FAM89A: variants seen among roughly 807,000 people sequenced by gnomAD.
The protein encoded by FAM89A is protein FAM89A.
FAM89A carries 10 observed loss-of-function variants against 7.1 expected under a neutral mutation model. The observed-to-expected ratio is 1.40, with a 90% CI of 0.86 to 2.38. The LOEUF is 2.38. Among genes scored for constraint, FAM89A ranks in the 30% most tolerant of loss-of-function variants. The pLI is 0.00. For synonymous variants in FAM89A, 157 were observed against 129.3 expected (o/e 1.21, Z -1.45); for missense variants, 276 against 262.8 (o/e 1.05, Z -0.35).
chr1:231,021,261 A>G (rs763670239), intron 1 of FAM89A, among the ~76,000 whole-genome samples: 1 of 152,244 alleles, frequency 6.6e-6, no homozygotes, highest in Non-Finnish European at 1.5e-5. Flanking sequence ...GTTGATGGCA[A>G]AATGGAACAA....
At chr1:231,031,222 G>A (rs548472481) in intron 1 of FAM89A, among the ~76,000 whole-genome samples, 2 of 152,208 alleles carry the variant, frequency 1.3e-5, no homozygotes, top group African/African-American at 2.4e-5. Flanking sequence ...CCTTTGTGAC[G>A]TGCTGTTTTG....
chr1:231,031,107 C>T (rs1680061055), intron 1 of FAM89A, among the ~76,000 whole-genome samples: 1 of 115,030 alleles, frequency 8.7e-6, no homozygotes, highest in African/African-American at 2.9e-5. Context: ...GAGACTCTGT[C>T]TCAATAATAA....
chr1:231,034,767 TGTCTC>T (rs1680131900), intron 1 of FAM89A, among the ~76,000 whole-genome samples: 1 of 86,656 alleles, frequency 1.2e-5, no homozygotes, highest in Admixed American at 1.6e-4. Context: ...ATAGAAACTC[TGTCTC>T]AAAAAAAAAA....
intron 1 of FAM89A, among the ~76,000 whole-genome samples, chr1:231,031,441 A>T (rs1044740105): frequency 2.6e-5 from 4 of 152,228 alleles, no homozygotes; most frequent in Non-Finnish European, 5.9e-5. Flanking sequence ...CTTTGAATGG[A>T]TCTTTTAATA....
chr1:231,023,059 C>T (rs1011563171), intron 1 of FAM89A, among the ~76,000 whole-genome samples: 10 of 152,186 alleles, frequency 6.6e-5, no homozygotes, highest in African/African-American at 1.7e-4. Flanking sequence ...GTCCTCAGTT[C>T]CCACTGCCTA....
In FAM89A at chr1:231,040,214, C is replaced by A. The variant is rs1037676653; in HGVS notation, c.-3G>T. On this transcript the variant is annotated 5_prime_UTR_variant, in exon 1 of 2. Transcript: ENST00000366654. ...GGCGCCGCCCGGGCCCCACTCATCGCGCCGCGGCCCGGCCACGCGCCTGCC... is the reference window on the plus strand; with the variant it reads ...GGCGCCGCCCGGGCCCCACTCATCGAGCCGCGGCCCGGCCACGCGCCTGCC... 222 of 1,056,258 alleles carry A rather than the reference C, an allele frequency of 2.1e-4. No individual in the cohort carries two copies. Among genetic ancestry groups the A allele is most frequent in the Non-Finnish European group, 2.4e-4 (208 of 878,450 alleles). The allele number at this position is 1,056,258 out of a possible 1,614,324, so 65.4% of individuals were successfully genotyped here.
At chr1:231,028,260 G>A (rs1053866100) in intron 1 of FAM89A, among the ~76,000 whole-genome samples, 2 of 152,102 alleles carry the variant, frequency 1.3e-5, no homozygotes, top group South Asian at 4.1e-4. Flanking sequence ...CTGAGTCCCC[G>A]CGTGCCTCCC....
chr1:231,032,524 G>A (rs1173534936), intron 1 of FAM89A, among the ~76,000 whole-genome samples: 1 of 151,584 alleles, frequency 6.6e-6, no homozygotes, highest in East Asian at 1.9e-4. Flanking sequence ...ATACATCCGT[G>A]GTTATAAGGA....
chr1:231,020,601 G>A (rs1262042157), intron 1 of FAM89A, among the ~76,000 whole-genome samples: 1 of 152,182 alleles, frequency 6.6e-6, no homozygotes, highest in Non-Finnish European at 1.5e-5. Flanking sequence ...GCCAGTGACA[G>A]CAGCTGGCCA....
At chr1:231,036,590 G>C (rs1680158365) in intron 1 of FAM89A, among the ~76,000 whole-genome samples, 1 of 151,930 alleles carries the variant, frequency 6.6e-6, no homozygotes, top group Non-Finnish European at 1.5e-5. Flanking sequence ...GAAACGTGGA[G>C]CTGAAACCAC....
chr1:231,024,520 G>GCGCACACACA (rs1553308539), intron 1 of FAM89A, among the ~76,000 whole-genome samples: 51 of 144,542 alleles, frequency 3.5e-4, no homozygotes, highest in Non-Finnish European at 6.0e-4. Context: ...TACATTGCAT[G>GCGCACACACA]CACACACACA....
In FAM89A at chr1:231,039,932, G is replaced by A. The variant is rs1169096750; in HGVS notation, c.280C>T (p.Arg94Cys). The A allele has an allele frequency of 1.4e-5, 19 of 1,339,800 alleles. No individual in the cohort carries two copies. Among genetic ancestry groups the A allele is most frequent in the Non-Finnish European group, 1.7e-5 (18 of 1,052,472 alleles). The allele number at this position is 1,339,800 out of a possible 1,614,324, so 83.0% of individuals were successfully genotyped here. ...PNLDAALALL[R>C]KEMVGLRQLD... ...GGAGCCCCACTCACCATCTCTTTGC[G>A]GAGCAGCGCCAGAGCGGCGTCCAGG... Residue 94 changes from arginine to cysteine, a missense_variant, in exon 1 of 2, where the codon CGC (arginine) becomes TGC (cysteine). Transcript: ENST00000366654.
At chr1:231,039,141 A>T (rs1214000983) in intron 1 of FAM89A, among the ~76,000 whole-genome samples, 1 of 152,214 alleles carries the variant, frequency 6.6e-6, no homozygotes, top group Non-Finnish European at 1.5e-5. Context: ...TTTTAGCGTC[A>T]CCCTAAATCA....
At chr1:231,034,343 C>T (rs1315424721) in intron 1 of FAM89A, among the ~76,000 whole-genome samples, 2 of 152,218 alleles carry the variant, frequency 1.3e-5, no homozygotes, top group Non-Finnish European at 2.9e-5. Flanking sequence ...ATTTAATTCT[C>T]ATTTTCCCAA....
At position 231,021,542 on chromosome 1, in the gene FAM89A, A is replaced by C. The variant is rs116437095; in HGVS notation, c.292-1416T>G. The stretch of plus-strand genomic sequence containing the variant: ...GGGCACGAAAGGTTGAGAACATTCG[A>C]CTTCCCTGCAAACCTTGGTATAGAT... On this transcript the variant is annotated intron_variant, in intron 1 of 1. Transcript: ENST00000366654. 6.1e-3 allele frequency: 5,395 copies of C among 890,368 alleles called. 145 individuals carry two copies. The African/African-American group carries it at 0.062, about 10-fold the overall frequency. The allele number at this position is 890,368 out of a possible 1,614,324, so 55.2% of individuals were successfully genotyped here.
chr1:231,033,999 T>C (rs56355004), intron 1 of FAM89A, among the ~76,000 whole-genome samples: 19,146 of 152,106 alleles, frequency 0.13, 1,431 homozygotes, highest in South Asian at 0.4. Flanking sequence ...AGGGTGGACA[T>C]TGGGATGGGG....
chr1:231,039,284 C>T lies in FAM89A; in HGVS notation c.291+637G>A, dbSNP rs561884174. 5.3e-5 allele frequency among the ~76,000 whole-genome samples: 8 copies of T among 152,356 alleles called. No individual in the cohort carries two copies. The East Asian group carries it at 1.5e-3, about 29-fold the overall frequency. ...CCAGACCGGGAGGACAGCCACCTCC[C>T]ACCTTTCTCAAGAGGGTTTGGGCAA... On this transcript the variant is annotated intron_variant, in intron 1 of 1. Transcript: ENST00000366654.
At chr1:231,033,554 C>T (rs1020008987) in intron 1 of FAM89A, among the ~76,000 whole-genome samples, 5 of 152,190 alleles carry the variant, frequency 3.3e-5, no homozygotes, top group Admixed American at 3.3e-4. Context: ...AGGGGAGGCA[C>T]CGCTGTCTGC....
At chr1:231,037,005 A>G (rs2103077519) in intron 1 of FAM89A, among the ~76,000 whole-genome samples, 1 of 152,366 alleles carries the variant, frequency 6.6e-6, no homozygotes, top group Middle Eastern at 3.4e-3. Context: ...GACTGGGAAA[A>G]TAATTGCAAT....
Sources: allele counts gnomAD v4.1 joint callset (sites outside exome capture counted in the v4.1 genomes callset), GRCh38; gene constraint gnomAD v4.1.1; transcripts MANE v1.5; gene names NCBI Gene and HGNC (gene_info 2026-07-23, HGNC 2026-07-21).